The following LRRC37A2 variants were observed in gnomAD, a reference collection of about 807,000 sequenced individuals.
The protein encoded by LRRC37A2 is leucine-rich repeat-containing protein 37A2.
A neutral mutation model predicts 68.8 loss-of-function variants in LRRC37A2; 9 were observed. The observed-to-expected ratio is 0.13, with a 90% confidence interval of 0.08 to 0.23. LRRC37A2 has a LOEUF of 0.23. LRRC37A2 is among the 10% of genes least tolerant of loss of function. The probability of loss-of-function intolerance (pLI) is 1.00; values close to 1 mark genes in which losing one functional copy is unlikely to be tolerated. For synonymous variants in LRRC37A2, 63 were observed against 367.6 expected (o/e 0.17, Z 9.48); for missense variants, 168 against 950.4 (o/e 0.18, Z 10.82).
At chr17:46,807,249 G>A in the LRRC37A2 span, among the ~76,000 whole-genome samples, 1 of 152,226 alleles carries the variant, frequency 6.6e-6, no homozygotes, top group Admixed American at 6.5e-5. Flanking sequence ...TTGGGAGGCC[G>A]AGGCAGGTGG....
At chr17:46,859,461 C>T in the LRRC37A2 span, among the ~76,000 whole-genome samples, 4 of 152,252 alleles carry the variant, frequency 2.6e-5, no homozygotes, top group East Asian at 5.8e-4. Context: ...TATGTGTGGG[C>T]CTATTTCTGG....
chr17:46,872,693 G>A, the LRRC37A2 span: 1 of 1,613,490 alleles, frequency 6.2e-7, no homozygotes. Flanking sequence ...GCGCACCTCG[G>A]CCTGCTTGAG....
the LRRC37A2 span, among the ~76,000 whole-genome samples, chr17:46,723,755 C>T: frequency 6.6e-6 from 1 of 152,202 alleles, no homozygotes; most frequent in African/African-American, 2.4e-5. Flanking sequence ...TAGATTCTGT[C>T]CACTTACCAG....
At position 46,550,705 on chromosome 17, in the gene LRRC37A2, G is replaced by A. The variant is rs1377505206; in HGVS notation, c.4809+186G>A. 9.7e-6 allele frequency: 6 copies of A among 618,086 alleles called. No homozygotes were observed. In the Admixed American group the frequency reaches 1.4e-4, roughly 14 times the overall value. The allele number at this position is 618,086 out of a possible 1,614,324, so 38.3% of individuals were successfully genotyped here. On this transcript the variant is annotated intron_variant, in intron 11 of 14. Transcript: ENST00000576629. ...AGTGTATATTTCAGGATTTTTAAAG[G>A]ATCCTCGCTTTCAGATCTCTGTGAA...
chr17:46,865,069 C>T, the LRRC37A2 span, among the ~76,000 whole-genome samples: 2 of 152,228 alleles, frequency 1.3e-5, no homozygotes, highest in Admixed American at 1.3e-4. Context: ...TGGGGACCCT[C>T]CGCAGCCACT....
chr17:46,914,250 G>A, the LRRC37A2 span, among the ~76,000 whole-genome samples: 2 of 152,120 alleles, frequency 1.3e-5, no homozygotes, highest in African/African-American at 2.4e-5. Flanking sequence ...ACACAATAGC[G>A]GGGCGGCCAG....
At chr17:46,845,403 C>G in the LRRC37A2 span, among the ~76,000 whole-genome samples, 1 of 151,890 alleles carries the variant, frequency 6.6e-6, no homozygotes, top group Non-Finnish European at 1.5e-5. Context: ...ACGGTGAGCC[C>G]AGTGCCCAAA....
At chr17:46,490,975 A>T in the LRRC37A2 span, among the ~76,000 whole-genome samples, 1 of 149,700 alleles carries the variant, frequency 6.7e-6, no homozygotes, top group African/African-American at 2.5e-5. Flanking sequence ...GCTCACTGCA[A>T]CCTCCACCTC....
At chr17:46,755,806 C>A in the LRRC37A2 span, 1 of 1,610,864 alleles carries the variant, frequency 6.2e-7, no homozygotes, top group Non-Finnish European at 8.5e-7. Flanking sequence ...TTGCAGTAGC[C>A]CCCTTGATTT....
the LRRC37A2 span, among the ~76,000 whole-genome samples, chr17:46,855,073 CAG>C: frequency 1.1e-4 from 17 of 150,450 alleles, no homozygotes; most frequent in African/African-American, 4.2e-4. Flanking sequence ...CAGAAAGGTT[CAG>C]TCAGTCACCC....
At chr17:46,945,238 C>T in the LRRC37A2 span, among the ~76,000 whole-genome samples, 14 of 152,170 alleles carry the variant, frequency 9.2e-5, no homozygotes, top group Admixed American at 3.3e-4. Context: ...GTCTTCTGCA[C>T]GACATCCTCC....
chr17:46,821,987 C>G, the LRRC37A2 span, among the ~76,000 whole-genome samples: 2 of 152,220 alleles, frequency 1.3e-5, no homozygotes, highest in Non-Finnish European at 2.9e-5. Context: ...TTCATTTTTG[C>G]TTGAAACAGG....
At chr17:47,034,252 G>GCTGTAGAGT in the LRRC37A2 span, among the ~76,000 whole-genome samples, 1 of 152,342 alleles carries the variant, frequency 6.6e-6, no homozygotes, top group East Asian at 1.9e-4. Flanking sequence ...GAAAAGAGTT[G>GCTGTAGAGT]CTGTAGAGTC....
chr17:47,049,008 G>A, the LRRC37A2 span: 5 of 516,818 alleles, frequency 9.7e-6, no homozygotes, highest in South Asian at 2.1e-5. Context: ...GTAGATGGCC[G>A]TGTTTTCAAA....
At chr17:47,040,399 A>C in the LRRC37A2 span, among the ~76,000 whole-genome samples, 1 of 151,910 alleles carries the variant, frequency 6.6e-6, no homozygotes, top group Non-Finnish European at 1.5e-5. Flanking sequence ...ATCTTTCATA[A>C]ATGTTTGTTA....
chr17:46,938,641 T>C, the LRRC37A2 span: 1 of 1,614,086 alleles, frequency 6.2e-7, no homozygotes, highest in African/African-American at 1.3e-5. Context: ...CATGCTGGGC[T>C]TGTCCAACAC....
chr17:46,745,071 T>C, the LRRC37A2 span, among the ~76,000 whole-genome samples: 1 of 152,026 alleles, frequency 6.6e-6, no homozygotes, highest in East Asian at 1.9e-4. Context: ...TCAAGGGGCA[T>C]GTTTGGGCAC....
At chr17:46,676,588 A>G in the LRRC37A2 span, among the ~76,000 whole-genome samples, 2 of 142,300 alleles carry the variant, frequency 1.4e-5, no homozygotes, top group South Asian at 2.2e-4. Flanking sequence ...AATTTGAATG[A>G]ATGTATGCTA....
the LRRC37A2 span, among the ~76,000 whole-genome samples, chr17:46,814,884 C>T: frequency 2.6e-5 from 4 of 152,176 alleles, no homozygotes; most frequent in South Asian, 4.1e-4. Flanking sequence ...GGCAGGTGCT[C>T]GAGTGGGAGG....
Sources: gnomAD v4.1 joint callset for allele counts (sites outside exome capture counted in the v4.1 genomes callset) on GRCh38, gnomAD v4.1.1 for gene constraint, MANE v1.5 for transcripts, NCBI Gene and HGNC (gene_info 2026-07-23, HGNC 2026-07-21) for gene names.